ARNT2: variants seen among roughly 807,000 people sequenced by gnomAD.
ARNT2 encodes ARNT protein 2.
Under a neutral mutation model 91.7 loss-of-function variants are expected in ARNT2, and 36 were observed. The observed-to-expected ratio is 0.39, with a 90% CI of 0.30 to 0.52. The LOEUF (loss-of-function observed/expected upper bound fraction) is 0.52. ARNT2 is among the 20% of genes least tolerant of loss of function. ARNT2 has a pLI of 0.72. For missense variants in ARNT2, 775 were observed against 939.3 expected (o/e 0.83, Z 2.29); for synonymous variants, 365 against 347.1 (o/e 1.05, Z -0.57).
At chr15:80,436,028 C>A (rs3848171) in intron 1 of ARNT2, 84,383 of 151,430 alleles carry the variant, frequency 0.56, 23,593 homozygotes, top group East Asian at 0.65. Context: ...CTTCATCCTT[C>A]CCCCCCGCCC....
At chr15:80,494,144 GAACT>G (rs1475342840) in intron 5 of ARNT2, among the ~76,000 whole-genome samples, 1 of 152,106 alleles carries the variant, frequency 6.6e-6, no homozygotes, top group Non-Finnish European at 1.5e-5. Flanking sequence ...AACACAAAAT[GAACT>G]AAGACACATG....
At chr15:80,542,810 T>A (rs1462289187) in intron 8 of ARNT2, among the ~76,000 whole-genome samples, 1 of 152,108 alleles carries the variant, frequency 6.6e-6, no homozygotes, top group Non-Finnish European at 1.5e-5. Context: ...GCCAGCTGGA[T>A]TAGAGGGTTC....
Position 80,404,659 on chromosome 15 carries a change from G to C in ARNT2, c.31+113G>C. The C allele has an allele frequency of 3.0e-6, 2 of 666,476 alleles. No homozygotes were observed. The highest frequency in any genetic ancestry group is 1.3e-4 in the South Asian group (2 of 14,900). The allele number at this position is 666,476 out of a possible 1,614,324, so 41.3% of individuals were successfully genotyped here. A position where few individuals can be genotyped will look rare whatever the true frequency, so the allele number is the denominator to read the frequency against. On this transcript the variant is annotated intron_variant, in intron 1 of 18. Transcript: ENST00000303329. The surrounding 1 kb of genome is among the most constrained non-coding windows in gnomAD (Gnocchi z 5.5). Reference sequence around the variant, plus strand: ...GGGGCGCGGAGCCGCAGCTCGGCGCGGTGGGTGGTGGAGCGGCTGTCACTA... The same window carrying C: ...GGGGCGCGGAGCCGCAGCTCGGCGCCGTGGGTGGTGGAGCGGCTGTCACTA...
chr15:80,536,907 A>G (rs1780860755), intron 8 of ARNT2, among the ~76,000 whole-genome samples: 1 of 152,122 alleles, frequency 6.6e-6, no homozygotes, highest in Non-Finnish European at 1.5e-5. Flanking sequence ...ATCTTACATG[A>G]CAGGCTATGG....
chr15:80,419,427 G>T (rs6495499), intron 1 of ARNT2, among the ~76,000 whole-genome samples: 2 of 152,278 alleles, frequency 1.3e-5, no homozygotes, highest in African/African-American at 2.4e-5. Flanking sequence ...AGCCTTGAAA[G>T]GCTGATCCTA....
At chr15:80,552,458 C>A (rs985392713) in intron 9 of ARNT2, among the ~76,000 whole-genome samples, 182 bp from the exon 10 acceptor site, 1 of 152,138 alleles carries the variant, frequency 6.6e-6, no homozygotes, top group African/African-American at 2.4e-5. Context: ...AAGAAAGTGG[C>A]CAACTGTTAC....
chr15:80,569,180 T>C (rs1898540404), intron 12 of ARNT2, among the ~76,000 whole-genome samples: 1 of 152,168 alleles, frequency 6.6e-6, no homozygotes, highest in South Asian at 2.1e-4. Flanking sequence ...TCTTGCTCAC[T>C]TACTCAGGCT....
At chr15:80,584,282 C>A (rs1898852274) in intron 17 of ARNT2, among the ~76,000 whole-genome samples, 1 of 152,098 alleles carries the variant, frequency 6.6e-6, no homozygotes, top group Non-Finnish European at 1.5e-5. Flanking sequence ...GTAGAGGGGC[C>A]TGGAAAATGG....
chr15:80,440,168 G>A (rs1447151453), intron 1 of ARNT2, among the ~76,000 whole-genome samples: 1 of 152,142 alleles, frequency 6.6e-6, no homozygotes, highest in Non-Finnish European at 1.5e-5. Context: ...GCTGGCTTCT[G>A]TGTGATTGAT....
At chr15:80,514,863 G>A (rs971015797) in intron 8 of ARNT2, among the ~76,000 whole-genome samples, 1 of 152,040 alleles carries the variant, frequency 6.6e-6, no homozygotes, top group Non-Finnish European at 1.5e-5. Flanking sequence ...TCCAGCCTGG[G>A]CAACACAGCA....
intron 5 of ARNT2, chr15:80,488,443 A>C (rs1897006651): frequency 6.6e-6 from 1 of 152,196 alleles, no homozygotes; most frequent in East Asian, 1.9e-4. Flanking sequence ...GGCATACCCA[A>C]GTGACGCCTG....
At chr15:80,422,085 C>T (rs1156609138) in intron 1 of ARNT2, among the ~76,000 whole-genome samples, 2 of 152,072 alleles carry the variant, frequency 1.3e-5, no homozygotes, top group Non-Finnish European at 2.9e-5. Flanking sequence ...AGAGGTGAGA[C>T]CTCCTCCTTC....
chr15:80,591,076 C>T lies in ARNT2; in HGVS notation c.1919-492C>T, dbSNP rs746685254. Among the ~76,000 whole-genome samples the T allele has an allele frequency of 2.6e-5, 4 of 152,226 alleles. No homozygotes were observed. Among genetic ancestry groups the T allele is most frequent in the Non-Finnish European group, 5.9e-5 (4 of 68,038 alleles). On this transcript the variant is annotated intron_variant, in intron 17 of 18. Transcript: ENST00000303329. The surrounding 1 kb of genome is among the most constrained non-coding windows in gnomAD (Gnocchi z 5.1). ...GGAATGCCAAGATGAGGCTTTTCCT[C>T]TAGCAGGGCCAGATGCCTTTCAAGA...
intron 1 of ARNT2, among the ~76,000 whole-genome samples, chr15:80,422,052 A>G (rs1052699024): frequency 1.3e-5 from 2 of 152,236 alleles, no homozygotes; most frequent in Non-Finnish European, 2.9e-5. Context: ...GTTCAAAAAT[A>G]TAAAAGAGTG....
chr15:80,526,791 G>A (rs1033875018), intron 8 of ARNT2, among the ~76,000 whole-genome samples: 1 of 152,246 alleles, frequency 6.6e-6, no homozygotes, highest in African/African-American at 2.4e-5. Context: ...GGCCAGTGCT[G>A]TCACTTCACC....
chr15:80,412,978 C>T (rs1895709497), intron 1 of ARNT2, among the ~76,000 whole-genome samples: 1 of 152,228 alleles, frequency 6.6e-6, no homozygotes, highest in South Asian at 2.1e-4. Flanking sequence ...CAGGCCAGGC[C>T]CTGTTGCCTG....
In ARNT2 at chr15:80,575,097, A is replaced by G; in HGVS notation, c.1500A>G (p.Ala500=). 1 of 1,614,176 alleles carries G rather than the reference A, an allele frequency of 6.2e-7. No homozygotes were observed. Among genetic ancestry groups the G allele is most frequent in the East Asian group, 2.2e-5 (1 of 44,890 alleles). ...ERDPRFAEMF[A]GISASEKKMM... is the part of the protein sequence containing the mutation. ...ATCCTCGGTTTGCTGAAATGTTTGCAGGAATTAGTGCATGTAAGTTTCCAA... is the reference window on the plus strand; with the variant it reads ...ATCCTCGGTTTGCTGAAATGTTTGCGGGAATTAGTGCATGTAAGTTTCCAA... The change falls in exon 14 of 19, where the codon GCA becomes GCG. Residue 500 remains alanine, a synonymous_variant. Coordinates refer to ENST00000303329, the MANE Select transcript of ARNT2 (RefSeq NM_014862.4).
intron 5 of ARNT2, among the ~76,000 whole-genome samples, chr15:80,495,160 G>T (rs532600750): frequency 4.6e-5 from 7 of 152,174 alleles, no homozygotes; most frequent in South Asian, 2.1e-4. Flanking sequence ...AACCCCAGCC[G>T]CCATCTTCCT....
intron 12 of ARNT2, among the ~76,000 whole-genome samples, chr15:80,565,168 G>T (rs1898455491): frequency 6.6e-6 from 1 of 152,068 alleles, no homozygotes. Flanking sequence ...CAGGCAATCT[G>T]CCTGCTTTGG....
Sources: gnomAD v4.1 joint callset for allele counts (sites outside exome capture counted in the v4.1 genomes callset) on GRCh38, gnomAD v4.1.1 for gene constraint, Gnocchi (gnomAD v3.1) non-coding constraint, MANE v1.5 for transcripts, NCBI Gene and HGNC (gene_info 2026-07-23, HGNC 2026-07-21) for gene names.